STAT4: variants seen among roughly 807,000 people sequenced by gnomAD.
STAT4 encodes the protein signal transducer and activator of transcription 4.
In STAT4, 42 loss-of-function variants were observed where a neutral mutation model predicts 110.5. The observed-to-expected ratio is 0.38, with a 90% CI of 0.30 to 0.49. STAT4 has a LOEUF of 0.49. Among genes scored for constraint, STAT4 ranks in the 20% least tolerant of loss-of-function variants. The pLI is 0.95. For synonymous variants in STAT4, 284 were observed against 302.2 expected (o/e 0.94, Z 0.63); for missense variants, 632 against 887.9 (o/e 0.71, Z 3.66).
chr2:191,144,655 T>C lies in STAT4; in HGVS notation c.273+1958A>G, dbSNP rs568009890. 4.0e-5 allele frequency among the ~76,000 whole-genome samples: 6 copies of C among 149,846 alleles called. No homozygotes were observed. The East Asian group carries it at 1.2e-3, about 30-fold the overall frequency. On this transcript the variant is annotated intron_variant, in intron 3 of 23. Transcript: ENST00000392320. This position sits in a 1 kb window ranked among gnomAD's most constrained non-coding sequence, Gnocchi z 4.7. ...AGAAGTGATGGTTTAACAAGGTTCG[T>C]CTGATACAACTGGCCAGAGGAGAAG...
intron 14 of STAT4, among the ~76,000 whole-genome samples, chr2:191,047,334 T>C (rs1187203313): frequency 6.6e-6 from 1 of 152,200 alleles, no homozygotes; most frequent in Admixed American, 6.5e-5. Context: ...AGCAAATTCA[T>C]TGAACCTGAG....
At chr2:191,100,171 T>C (rs996744120) in intron 3 of STAT4, among the ~76,000 whole-genome samples, 4 of 152,190 alleles carry the variant, frequency 2.6e-5, no homozygotes, top group African/African-American at 9.6e-5. Flanking sequence ...AACCATTCTC[T>C]GATGACTGCT....
chr2:191,100,194 G>A (rs773299971), intron 3 of STAT4, among the ~76,000 whole-genome samples: 1 of 152,120 alleles, frequency 6.6e-6, no homozygotes, highest in Non-Finnish European at 1.5e-5. Flanking sequence ...CATTTACGAA[G>A]CAACTCTCAA....
chr2:191,039,279 C>A lies in STAT4; in HGVS notation c.1354G>T (p.Val452Leu). 6.2e-7 allele frequency: 1 copy of A among 1,614,128 alleles called. No individual in the cohort carries two copies. Among genetic ancestry groups the A allele is most frequent in the African/African-American group, 1.3e-5 (1 of 75,052 alleles). Residue 452 changes from valine (V) to leucine (L), a missense_variant, in exon 16 of 24, where the codon GTG (valine) becomes TTG (leucine). Coordinates refer to ENST00000392320, the MANE Select transcript of STAT4 (RefSeq NM_003151.4). This position sits in a 1 kb window ranked among gnomAD's most constrained non-coding sequence, Gnocchi z 4.7. ...AACTGACTGACATTGGAAATCATCA[C>A]CACAGGCAATGAGCTGGTCTGGTTT... ...IDLETSSLPV[V>L]MISNVSQLPN...
chr2:191,068,460 G>A (rs1044424070), intron 6 of STAT4: 2 of 152,090 alleles, frequency 1.3e-5, no homozygotes, highest in African/African-American at 2.4e-5. Flanking sequence ...TGGAAGTCAA[G>A]GCATCTTAAG....
In STAT4 at chr2:191,144,904, T is replaced by C. The variant is rs1248747425; in HGVS notation, c.273+1709A>G. Among the ~76,000 whole-genome samples, 1 of 152,178 alleles carries C rather than the reference T, an allele frequency of 6.6e-6. No homozygotes were observed. Among genetic ancestry groups the C allele is most frequent in the Non-Finnish European group, 1.5e-5 (1 of 68,030 alleles). On this transcript the variant is annotated intron_variant, in intron 3 of 23. Coordinates refer to ENST00000392320, the MANE Select transcript of STAT4 (RefSeq NM_003151.4). The surrounding 1 kb of genome is among the most constrained non-coding windows in gnomAD (Gnocchi z 4.7). ...AGATACAGGTCAGAAGATTAAGTGA[T>C]TTGCTCAAAGCCACATTTGAGAGTC... is the stretch of plus-strand genomic sequence containing the variant.
chr2:191,060,507 C>T lies in STAT4; in HGVS notation c.1034+1222G>A, dbSNP rs534216296. ...GAGTGCAGTGTACTGCAACCTCTAC[C>T]TACTGGGTTCAAGCGATTCTCCTGC... On this transcript the variant is annotated intron_variant, in intron 10 of 23. Transcript: ENST00000392320. The surrounding 1 kb of genome is among the most constrained non-coding windows in gnomAD (Gnocchi z 4.5). Among the ~76,000 whole-genome samples the T allele has an allele frequency of 3.9e-5, 6 of 152,328 alleles. No individual in the cohort carries two copies. The highest frequency in any genetic ancestry group is 1.4e-4 in the African/African-American group (6 of 41,580).
intron 8 of STAT4, 101 bp downstream of exon 8, chr2:191,064,706 G>A (rs1370576406): frequency 1.7e-5 from 24 of 1,377,134 alleles, no homozygotes; most frequent in Non-Finnish European, 2.3e-5. Flanking sequence ...TAAACTGAAT[G>A]AACTGATGTT....
chr2:191,131,581 A>C (rs561510151), intron 3 of STAT4: 2 of 363,806 alleles, frequency 5.5e-6, no homozygotes, highest in South Asian at 2.9e-4. Flanking sequence ...AAAAATGACA[A>C]ATGCAAATTT....
chr2:191,072,992 G>T (rs937791272), intron 5 of STAT4, 106 bp downstream of exon 5: 5 of 747,148 alleles, frequency 6.7e-6, no homozygotes, highest in African/African-American at 1.8e-5. Context: ...TTAACAAATT[G>T]CCCTATGATT....
Position 191,039,613 on chromosome 2 carries a change from TAG to T in STAT4, c.1336-318_1336-317del, listed in dbSNP as rs1290316591. ...ACCCACTGTCTCAAGTGCAATATAT[TAG>T]AGAGTCTATTGAATTAGCAACAATC... On this transcript the variant is annotated intron_variant, in intron 15 of 23. Transcript: ENST00000392320. This position sits in a 1 kb window ranked among gnomAD's most constrained non-coding sequence, Gnocchi z 4.7. 6.6e-6 allele frequency among the ~76,000 whole-genome samples: 1 copy of T among 152,230 alleles called. No individual in the cohort carries two copies. The highest frequency in any genetic ancestry group is 1.5e-5 in the Non-Finnish European group (1 of 68,042).
chr2:191,128,604 G>A (rs977131537), intron 3 of STAT4, among the ~76,000 whole-genome samples: 1 of 152,134 alleles, frequency 6.6e-6, no homozygotes, highest in African/African-American at 2.4e-5. Flanking sequence ...GGTACTTTCA[G>A]CTCTAACATA....
chr2:191,078,101 T>TA (rs3024836), intron 3 of STAT4, among the ~76,000 whole-genome samples: 120,224 of 151,628 alleles, frequency 0.79, 50,661 homozygotes, highest in East Asian at 1. Context: ...ATTCCATTGT[T>TA]AAAAAAAGGG....
At chr2:191,125,810 C>T (rs4594474) in intron 3 of STAT4, among the ~76,000 whole-genome samples, 152,115 of 152,130 alleles carry the variant, frequency 1, 76,050 homozygotes, top group Non-Finnish European at 1. Context: ...AAAGGGAGTG[C>T]GGGGAGAGTT....
At chr2:191,034,658 T>A in intron 17 of STAT4, 61 bp from the exon 18 acceptor site, 1 of 1,250,284 alleles carries the variant, frequency 8.0e-7, no homozygotes, top group Non-Finnish European at 1.2e-6. Flanking sequence ...AATTTTGTGC[T>A]CAATTTAGAT....
intron 3 of STAT4, among the ~76,000 whole-genome samples, chr2:191,081,774 C>T (rs574904554): frequency 6.6e-6 from 1 of 152,154 alleles, no homozygotes; most frequent in Non-Finnish European, 1.5e-5. Flanking sequence ...TAGTGACATG[C>T]TGCTTTTGAT....
intron 3 of STAT4, among the ~76,000 whole-genome samples, chr2:191,088,876 G>T (rs1697710896): frequency 6.6e-6 from 1 of 152,142 alleles, no homozygotes; most frequent in Non-Finnish European, 1.5e-5. Flanking sequence ...TATTCAGCTG[G>T]ATATGCAAAA....
Position 191,117,089 on chromosome 2 carries a change from C to T in STAT4, c.273+29524G>A, listed in dbSNP as rs1698591639. 6.6e-6 allele frequency among the ~76,000 whole-genome samples: 1 copy of T among 152,158 alleles called. No homozygotes were observed. Among genetic ancestry groups the T allele is most frequent in the African/African-American group, 2.4e-5 (1 of 41,450 alleles). On this transcript the variant is annotated intron_variant, in intron 3 of 23. Transcript: ENST00000392320. The surrounding 1 kb of genome is among the most constrained non-coding windows in gnomAD (Gnocchi z 5.2). The stretch of plus-strand genomic sequence containing the variant: ...ACAGAATCTCTGGAGTGGGGCTGCG[C>T]ATGGCTAATTTTCAAATGCGTCATT...
At chr2:191,128,431 G>A (rs1025099457) in intron 3 of STAT4, among the ~76,000 whole-genome samples, 41 of 152,216 alleles carry the variant, frequency 2.7e-4, no homozygotes, top group Non-Finnish European at 2.9e-4. Flanking sequence ...ACTCAGAGCA[G>A]CTCCGCGTTT....
Sources: allele counts gnomAD v4.1 joint callset (sites outside exome capture counted in the v4.1 genomes callset), GRCh38; gene constraint gnomAD v4.1.1; non-coding constraint Gnocchi (gnomAD v3.1); transcripts MANE v1.5; gene names NCBI Gene and HGNC (gene_info 2026-07-23, HGNC 2026-07-21).